The following CYP4F12 variants were observed in gnomAD, a reference collection of about 807,000 sequenced individuals.
CYP4F12 encodes the protein cytochrome P450 4F12.
A neutral mutation model predicts 56.5 loss-of-function variants in CYP4F12; 60 were observed. The observed-to-expected ratio is 1.06, with a 90% CI of 0.86 to 1.32. CYP4F12 has a LOEUF of 1.32. CYP4F12 is among the 40% of genes most tolerant of loss of function. CYP4F12 has a pLI of 0.00. For missense variants in CYP4F12, 711 were observed against 683.5 expected, an observed-to-expected ratio of 1.04 and a Z score of -0.45; for synonymous variants, 263 against 264.9, an observed-to-expected ratio of 0.99 and a Z score of 0.07.
At position 15,677,658 on chromosome 19, in the gene CYP4F12, T is replaced by A. The variant is rs796115341; in HGVS notation, c.199-603T>A. Among the ~76,000 whole-genome samples the A allele has an allele frequency of 5.2e-3, 392 of 75,616 alleles. 150 individuals are homozygous for A. The highest frequency in any genetic ancestry group is 0.017 in the Middle Eastern group (2 of 116). 49.6% of individuals were successfully genotyped at this position (75,616 alleles called of 152,430 possible). On this transcript the variant is annotated intron_variant, in intron 2 of 12. Coordinates refer to ENST00000550308, the MANE Select transcript of CYP4F12 (RefSeq NM_023944.4). ...CTCACTTACTCATTCCTCTCCTCAC[T>A]CACTCATTCCTCTCCTCACTCACTC...
chr19:15,676,136 C>T (rs2006907647), intron 2 of CYP4F12, among the ~76,000 whole-genome samples: 1 of 152,116 alleles, frequency 6.6e-6, no homozygotes, highest in African/African-American at 2.4e-5. Context: ...TTGTCCTGTT[C>T]ATGCCCTCAA....
At chr19:15,680,540 G>T (rs770423243) in intron 5 of CYP4F12, 21 bp downstream of exon 5, 2 of 1,614,044 alleles carry the variant, frequency 1.2e-6, no homozygotes, top group South Asian at 2.2e-5. Context: ...TGAAGTCTGG[G>T]TCCCAGATGG....
At chr19:15,679,078 C>T (rs1246409379) in intron 3 of CYP4F12, among the ~76,000 whole-genome samples, 7 of 152,200 alleles carry the variant, frequency 4.6e-5, no homozygotes, top group Non-Finnish European at 7.3e-5. Context: ...GCTCTCTGCT[C>T]TTCTCATCCT....
At chr19:15,691,438 G>A (rs879400742) in intron 9 of CYP4F12, among the ~76,000 whole-genome samples, 1 of 152,150 alleles carries the variant, frequency 6.6e-6, no homozygotes, top group Non-Finnish European at 1.5e-5. Flanking sequence ...TCTATATTAG[G>A]TGAGTTTGAT....
In CYP4F12 at chr19:15,697,076, C is replaced by T. The variant is rs1022051186; in HGVS notation, c.1566C>T (p.Ser522=). The change falls in exon 13 of 13, where the codon AGC becomes AGT. Residue 522 remains serine, a synonymous_variant. Transcript: ENST00000550308. ...LWLRVEPLNV[S]LQ is the part of the protein sequence containing the mutation. ...TGCGGGTGGAGCCCCTGAATGTAAG[C>T]TTGCAGTGACTTTCTGACCCATCCA... is the stretch of plus-strand genomic sequence containing the variant. 1.9e-6 allele frequency: 3 copies of T among 1,612,340 alleles called. No individual in the cohort carries two copies. Among genetic ancestry groups the T allele is most frequent in the Non-Finnish European group, 2.5e-6 (3 of 1,178,678 alleles).
chr19:15,673,774 T>G, intron 2 of CYP4F12, 47 bp downstream of exon 2: 3 of 1,601,590 alleles, frequency 1.9e-6, no homozygotes, highest in South Asian at 1.1e-5. Context: ...GTGGATGGAC[T>G]TCCAGAGGAG....
intron 9 of CYP4F12, among the ~76,000 whole-genome samples, chr19:15,690,952 T>C (rs1161385323): frequency 1.3e-5 from 2 of 152,256 alleles, no homozygotes; most frequent in Non-Finnish European, 2.9e-5. Flanking sequence ...TGTCCTATGG[T>C]ATTTACATAT....
chr19:15,678,109 G>C lies in CYP4F12; in HGVS notation c.199-152G>C. 5.0e-6 allele frequency: 5 copies of C among 991,210 alleles called. No homozygotes were observed. The South Asian group carries it at 7.6e-5, about 15-fold the overall frequency. The allele number at this position is 991,210 out of a possible 1,614,324, so 61.4% of individuals were successfully genotyped here. A position where few individuals can be genotyped will look rare whatever the true frequency, so the allele number is the denominator to read the frequency against. ...TCCTCTGCACTACTATTTCCATCCTGTTTACCTTCAAATGCTAATCTCTTC... is the reference window on the plus strand; with the variant it reads ...TCCTCTGCACTACTATTTCCATCCTCTTTACCTTCAAATGCTAATCTCTTC... On this transcript the variant is annotated intron_variant, in intron 2 of 12. Coordinates refer to ENST00000550308, the MANE Select transcript of CYP4F12 (RefSeq NM_023944.4).
rs752394804 is a variant in CYP4F12, at chr19:15,680,289, C to T, written c.389C>T (p.Pro130Leu). The change falls in exon 4 of 13, where the codon CCC becomes CTC. Residue 130 changes from proline to leucine, a missense_variant. Physicochemically the swap from Pro to Leu is moderately conservative, Grantham distance 98. Transcript: ENST00000550308. Reference protein sequence around the residue: ...KDNLFIRFLKPWLGEGILLSG... With the variant: ...KDNLFIRFLKLWLGEGILLSG... ...AATCTCTTCATCAGGTTCCTGAAGC[C>T]CTGGCTGGGTGAGTACCTGCAGGTG... The T allele has an allele frequency of 1.9e-6, 3 of 1,612,024 alleles. No individual in the cohort carries two copies. Among genetic ancestry groups the T allele is most frequent in the East Asian group, 2.2e-5 (1 of 44,872 alleles).
chr19:15,680,537 T>C lies in CYP4F12; in HGVS notation c.525+18T>C. ...TCATGCTTGTGAGTCCCTTGAAGTC[T>C]GGGTCCCAGATGGAGTCTTGGGGTG... On this transcript the variant is annotated intron_variant, in intron 5 of 12. Coordinates refer to ENST00000550308, the MANE Select transcript of CYP4F12 (RefSeq NM_023944.4). The C allele has an allele frequency of 6.2e-7, 1 of 1,614,078 alleles. No individual in the cohort carries two copies. Among genetic ancestry groups the C allele is most frequent in the Non-Finnish European group, 8.5e-7 (1 of 1,180,008 alleles).
chr19:15,686,746 C>T (rs2007626268), intron 9 of CYP4F12, among the ~76,000 whole-genome samples: 1 of 152,062 alleles, frequency 6.6e-6, no homozygotes, highest in Non-Finnish European at 1.5e-5. Flanking sequence ...TTCAGAGCTA[C>T]TGTGGAGAGA....
chr19:15,696,424 C>T lies in CYP4F12; in HGVS notation c.1315-6C>T. 3.1e-6 allele frequency: 5 copies of T among 1,614,152 alleles called. No individual in the cohort carries two copies. The highest frequency in any genetic ancestry group is 3.4e-6 in the Non-Finnish European group (4 of 1,180,024). Reference sequence around the variant, plus strand: ...CACTGGCAAACCTTCTTTGTCTCACCTGCAGGTCTACGACCCCTTCCGCTT... The same window carrying T: ...CACTGGCAAACCTTCTTTGTCTCACTTGCAGGTCTACGACCCCTTCCGCTT... On this transcript the variant is annotated splice_polypyrimidine_tract_variant and splice_region_variant and intron_variant, in intron 11 of 12. Transcript: ENST00000550308.
chr19:15,684,716 T>C, intron 7 of CYP4F12, 100 bp from the exon 8 acceptor site: 9 of 1,178,952 alleles, frequency 7.6e-6, no homozygotes, highest in Non-Finnish European at 1.1e-5. Context: ...CTTCAGAGAT[T>C]ATCTCAGGTT....
chr19:15,683,650 G>C lies in CYP4F12; in HGVS notation c.805G>C (p.Ala269Pro), dbSNP rs753996796. ...ACRLVHDFTD[A>P]VIRERRRTLP... Reference sequence around the variant, plus strand: ...CCGCCTGGTGCATGACTTCACAGACGCTGTCATCCGGGAGCGGCGTCGCAC... The same window carrying C: ...CCGCCTGGTGCATGACTTCACAGACCCTGTCATCCGGGAGCGGCGTCGCAC... Residue 269 changes from alanine (A) to proline (P), a missense_variant, in exon 7 of 13, where the codon GCT (alanine) becomes CCT (proline). Ala to Pro is a conservative substitution (Grantham distance 27). Transcript: ENST00000550308. 1 of 1,613,786 alleles carries C rather than the reference G, an allele frequency of 6.2e-7. No individual in the cohort carries two copies.
Position 15,680,306 on chromosome 19 carries a change from C to T in CYP4F12, c.397+9C>T. ...CCTGAAGCCCTGGCTGGGTGAGTAC[C>T]TGCAGGTGAAAGGGGTTGGGGACAA... is the stretch of plus-strand genomic sequence containing the variant. On this transcript the variant is annotated intron_variant, in intron 4 of 12. Coordinates refer to ENST00000550308, the MANE Select transcript of CYP4F12 (RefSeq NM_023944.4). 2 of 1,612,846 alleles carry T rather than the reference C, an allele frequency of 1.2e-6. No individual in the cohort carries two copies. The highest frequency in any genetic ancestry group is 1.7e-6 in the Non-Finnish European group (2 of 1,179,236).
intron 3 of CYP4F12, 36 bp from the exon 4 acceptor site, chr19:15,680,208 C>A (rs752863929): frequency 3.2e-5 from 51 of 1,569,322 alleles, no homozygotes; most frequent in Non-Finnish European, 4.3e-5. Flanking sequence ...CTCTCTTGCC[C>A]TCTACATGGC....
chr19:15,684,895 G>A lies in CYP4F12; in HGVS notation c.985+13G>A. ...TTCATGTTTGGAGGTGAGGGTCCCA[G>A]TGTGGGACTACAGTGGAGACAGAGG... On this transcript the variant is annotated intron_variant, in intron 8 of 12. Transcript: ENST00000550308. 3 of 1,597,956 alleles carry A rather than the reference G, an allele frequency of 1.9e-6. No individual in the cohort carries two copies. The highest frequency in any genetic ancestry group is 2.6e-6 in the Non-Finnish European group (3 of 1,171,556).
intron 9 of CYP4F12, among the ~76,000 whole-genome samples, chr19:15,690,747 A>C (rs2007831912): frequency 6.6e-6 from 1 of 152,184 alleles, no homozygotes; most frequent in Admixed American, 6.5e-5. Flanking sequence ...TGATGAGAAC[A>C]GTTTCTTCTT....
At chr19:15,693,438 C>T (rs2007969182) in intron 9 of CYP4F12, among the ~76,000 whole-genome samples, 1 of 152,180 alleles carries the variant, frequency 6.6e-6, no homozygotes, top group Non-Finnish European at 1.5e-5. Flanking sequence ...ACATTTACTA[C>T]CACATTTCAA....
Sources: gnomAD v4.1 joint callset for allele counts (sites outside exome capture counted in the v4.1 genomes callset) on GRCh38, gnomAD v4.1.1 for gene constraint, MANE v1.5 for transcripts, NCBI Gene and HGNC (gene_info 2026-07-23, HGNC 2026-07-21) for gene names.